PAK3: variants seen among roughly 807,000 people sequenced by gnomAD.
PAK3 encodes the protein p21 (RAC1) activated kinase 3.
A neutral mutation model predicts 41.0 loss-of-function variants in PAK3; 4 were observed. The observed-to-expected ratio is 0.10, with a 90% CI of 0.05 to 0.22. The LOEUF (loss-of-function observed/expected upper bound fraction) is 0.22. Among genes scored for constraint, PAK3 ranks in the 10% least tolerant of loss-of-function variants. The probability of loss-of-function intolerance (pLI) is 1.00; values close to 1 mark genes in which losing one functional copy is unlikely to be tolerated. For synonymous variants in PAK3, 146 were observed against 139.6 expected (o/e 1.05, Z -0.32); for missense variants, 205 against 409.9 (o/e 0.50, Z 4.32).
At chrX:111,020,808 G>A (rs1211556139) in intron 1 of PAK3, among the ~76,000 whole-genome samples, 2 of 111,248 alleles carry the variant, frequency 1.8e-5, no homozygotes, top group Non-Finnish European at 3.8e-5. Context: ...GTGCTGTTGT[G>A]GGGGTATGGT....
chrX:111,204,496 T>C (rs1435630280), intron 16 of PAK3, among the ~76,000 whole-genome samples: 1 of 111,680 alleles, frequency 9.0e-6, no homozygotes, highest in African/African-American at 3.2e-5. Flanking sequence ...ATTTGCGCAC[T>C]GAAATGCCCA....
intron 1 of PAK3, among the ~76,000 whole-genome samples, chrX:111,085,220 A>G (rs1016043292): frequency 8.9e-6 from 1 of 111,899 alleles, no homozygotes; most frequent in Admixed American, 9.5e-5. Flanking sequence ...CCAGAAAAAA[A>G]TGTTTTTTTC....
intron 1 of PAK3, among the ~76,000 whole-genome samples, chrX:111,036,639 T>C (rs960665677): frequency 3.6e-5 from 4 of 112,103 alleles, no homozygotes; most frequent in African/African-American, 9.7e-5. Flanking sequence ...CAAGGTGAGA[T>C]TTGGGTGGGC....
At chrX:111,016,482 T>A (rs1165762316) in intron 1 of PAK3, among the ~76,000 whole-genome samples, 1 of 111,455 alleles carries the variant, frequency 9.0e-6, no homozygotes, top group Non-Finnish European at 1.9e-5. Context: ...TCAGCTTGCC[T>A]TCTTAAAAGT....
intron 16 of PAK3, among the ~76,000 whole-genome samples, chrX:111,200,988 C>T (rs749406407): frequency 7.1e-5 from 8 of 112,113 alleles, no homozygotes; most frequent in African/African-American, 1.9e-4. Context: ...TAGATGCCAC[C>T]GCCTGATATC....
intron 1 of PAK3, among the ~76,000 whole-genome samples, chrX:111,034,238 G>A (rs2148756023): frequency 9.0e-6 from 1 of 111,090 alleles, no homozygotes; most frequent in South Asian, 3.9e-4. Context: ...CCCTCAGAGG[G>A]GTTGGGGGTC....
At chrX:111,168,467 A>G (rs2094292755) in intron 10 of PAK3, among the ~76,000 whole-genome samples, 1 of 111,832 alleles carries the variant, frequency 8.9e-6, no homozygotes, top group Admixed American at 9.5e-5. Flanking sequence ...TGTGATTGAG[A>G]ATGGTAAACA....
intron 1 of PAK3, among the ~76,000 whole-genome samples, chrX:110,952,432 G>A (rs774362959): frequency 1.1e-4 from 12 of 111,522 alleles, no homozygotes; most frequent in Admixed American, 2.9e-4. Flanking sequence ...CCAAGAGTTG[G>A]ACACTGCTGG....
At position 111,040,676 on chromosome X, in the gene PAK3, T is replaced by C. The variant is rs1242288837; in HGVS notation, c.-27-82401T>C. Among the ~76,000 whole-genome samples, 9 of 111,801 alleles carry C rather than the reference T, an allele frequency of 8.1e-5. No individual in the cohort carries two copies. In the Admixed American group the frequency reaches 8.5e-4, roughly 11 times the overall value. ...AATAAGGAAACCCCCATAAAGTGTT[T>C]AGTATAGTGCCCTTCACAGAACAAA... On this transcript the variant is annotated intron_variant, in intron 1 of 14. Coordinates refer to the PAK3 transcript ENST00000425146.
chrX:110,991,817 G>A (rs749570499), intron 1 of PAK3, among the ~76,000 whole-genome samples: 3 of 110,927 alleles, frequency 2.7e-5, no homozygotes, highest in Admixed American at 9.6e-5. Context: ...CAGGCATTTC[G>A]TTAAACACTT....
At chrX:111,219,316 CAA>C (rs1290339955) in intron 17 of PAK3, among the ~76,000 whole-genome samples, 1 of 109,263 alleles carries the variant, frequency 9.2e-6, no homozygotes. Context: ...AAGAGGAAGA[CAA>C]AAGTGACTTC....
In PAK3 at chrX:110,993,298, T is replaced by A. The variant is rs752752635; in HGVS notation, c.-28+48670T>A. Among the ~76,000 whole-genome samples the A allele has an allele frequency of 4.5e-5, 5 of 111,795 alleles. No homozygotes were observed. The Admixed American group carries it at 4.8e-4, about 11-fold the overall frequency. On this transcript the variant is annotated intron_variant, in intron 1 of 14. Transcript: ENST00000425146. ...AGTTGCTGTGAAGCCACACTTCCCCTATTTTGGCCTCACAAAATGGACTTT... is the reference window on the plus strand; with the variant it reads ...AGTTGCTGTGAAGCCACACTTCCCCAATTTTGGCCTCACAAAATGGACTTT...
At chrX:111,083,137 ACC>A (rs916851772) in intron 1 of PAK3, among the ~76,000 whole-genome samples, 3 of 112,474 alleles carry the variant, frequency 2.7e-5, no homozygotes, top group African/African-American at 9.7e-5. Context: ...AGTTTATTCC[ACC>A]CTAGGTCTGG....
At chrX:111,064,994 G>A (rs2092689827) in intron 1 of PAK3, among the ~76,000 whole-genome samples, 2 of 112,230 alleles carry the variant, frequency 1.8e-5, no homozygotes, top group South Asian at 7.5e-4. Flanking sequence ...GTATAGCATT[G>A]TCCATGAAGA....
intron 15 of PAK3, 128 bp downstream of exon 15, chrX:111,196,069 A>G: frequency 3.7e-6 from 2 of 542,733 alleles, no homozygotes; most frequent in Non-Finnish European, 3.2e-6. Context: ...TTTGAAGTAA[A>G]GAATTTTTCT....
intron 1 of PAK3, among the ~76,000 whole-genome samples, chrX:111,097,137 T>A (rs1298866921): frequency 1.8e-5 from 2 of 108,746 alleles, no homozygotes; most frequent in African/African-American, 6.7e-5. Flanking sequence ...GTCCACTGCC[T>A]CTCCTTCTCT....
intron 3 of PAK3, among the ~76,000 whole-genome samples, chrX:111,099,389 G>C (rs1292440816): frequency 9.0e-6 from 1 of 111,425 alleles, no homozygotes; most frequent in Non-Finnish European, 1.9e-5. Context: ...GCAATGAGGA[G>C]CAAAACGGTG....
intron 1 of PAK3, among the ~76,000 whole-genome samples, chrX:111,066,307 T>A (rs896063055): frequency 8.9e-6 from 1 of 112,365 alleles, no homozygotes; most frequent in African/African-American, 3.2e-5. Flanking sequence ...TTTCATTGTT[T>A]ACTCAAAAAT....
At chrX:111,074,268 G>T (rs1333303748) in intron 1 of PAK3, among the ~76,000 whole-genome samples, 1 of 111,513 alleles carries the variant, frequency 9.0e-6, no homozygotes, top group Non-Finnish European at 1.9e-5. Context: ...AGAGGTGGGG[G>T]CCTGTTGGGA....
Sources: allele counts gnomAD v4.1 joint callset (sites outside exome capture counted in the v4.1 genomes callset), GRCh38; gene constraint gnomAD v4.1.1; transcripts MANE v1.5; gene names NCBI Gene and HGNC (gene_info 2026-07-23, HGNC 2026-07-21).